The following RXRA variants were observed in gnomAD, a reference collection of about 807,000 sequenced individuals.
The protein encoded by RXRA is retinoic acid receptor RXR-alpha.
Under a neutral mutation model 44.5 loss-of-function variants are expected in RXRA, and 5 were observed. That is an observed-to-expected ratio of 0.11 (90% CI 0.06 to 0.24). The LOEUF (loss-of-function observed/expected upper bound fraction) is 0.24, where lower values mean the gene tolerates loss of function less well. RXRA is among the 10% of genes least tolerant of loss of function. The pLI, the probability that RXRA is intolerant of heterozygous loss-of-function variation, is 1.00. For missense variants in RXRA, 412 were observed against 646.5 expected, an observed-to-expected ratio of 0.64 and a Z score of 3.93; for synonymous variants, 291 against 271.4, an observed-to-expected ratio of 1.07 and a Z score of -0.71.
intron 1 of RXRA, among the ~76,000 whole-genome samples, chr9:134,353,957 A>G (rs1224438913): frequency 1.3e-5 from 2 of 152,088 alleles, no homozygotes; most frequent in Non-Finnish European, 2.9e-5. Flanking sequence ...GATGAGAGCT[A>G]AGGGTGCCTG....
chr9:134,423,272 A>G (rs1250169086), intron 6 of RXRA: 1 of 985,324 alleles, frequency 1.0e-6, no homozygotes, highest in African/African-American at 1.7e-5. Flanking sequence ...GGTGCTGGTC[A>G]CTGTCCCATG....
chr9:134,330,960 G>C (rs1834995689), intron 1 of RXRA, among the ~76,000 whole-genome samples: 1 of 152,198 alleles, frequency 6.6e-6, no homozygotes, highest in African/African-American at 2.4e-5. Context: ...TGTGCCTCCT[G>C]CCTGGGTCAG....
intron 1 of RXRA, among the ~76,000 whole-genome samples, chr9:134,363,858 T>A (rs1830382941): frequency 6.6e-6 from 1 of 152,072 alleles, no homozygotes; most frequent in Admixed American, 6.5e-5. Context: ...CGACCTCAGC[T>A]CCAGACATGT....
intron 1 of RXRA, among the ~76,000 whole-genome samples, chr9:134,361,377 C>T (rs1208540285): frequency 6.6e-6 from 1 of 152,188 alleles, no homozygotes; most frequent in African/African-American, 2.4e-5. Context: ...CTGCTGTGTG[C>T]CCGGCCCCTG....
chr9:134,358,305 CAGCA>C (rs1374945576), intron 1 of RXRA, among the ~76,000 whole-genome samples: 2 of 151,960 alleles, frequency 1.3e-5, no homozygotes, highest in East Asian at 3.9e-4. Flanking sequence ...TTTCCTCCGG[CAGCA>C]GGCAGGCAGG....
chr9:134,350,083 G>T (rs797026213), intron 1 of RXRA, among the ~76,000 whole-genome samples: 9 of 152,062 alleles, frequency 5.9e-5, no homozygotes, highest in African/African-American at 2.2e-4. Context: ...TGTAGGGGGG[G>T]GTGGAAGGTG....
chr9:134,422,371 G>C (rs1202945413), intron 6 of RXRA: 30 of 1,236,272 alleles, frequency 2.4e-5, no homozygotes, highest in Admixed American at 1.1e-4. Flanking sequence ...CCGCTACCGG[G>C]ACACTCCCCC....
chr9:134,380,426 C>T (rs1830626009), intron 1 of RXRA, among the ~76,000 whole-genome samples: 1 of 152,024 alleles, frequency 6.6e-6, no homozygotes, highest in East Asian at 1.9e-4. Flanking sequence ...CTGGGGTGGC[C>T]ATGAGAAGTG....
rs1297927244 is a variant in RXRA, at chr9:134,365,630, G to A, written c.29-36002G>A. On this transcript the variant is annotated intron_variant, in intron 1 of 9. Transcript: ENST00000481739. The surrounding 1 kb of genome is among the most constrained non-coding windows in gnomAD (Gnocchi z 4.0). ...TTCTGGGGTCCTGGGCTGTCCCTCA[G>A]CAGGCCTGGGACTGGGCGGGGACAG... 6.6e-6 allele frequency among the ~76,000 whole-genome samples: 1 copy of A among 152,054 alleles called. No homozygotes were observed. The highest frequency in any genetic ancestry group is 1.5e-5 in the Non-Finnish European group (1 of 67,980).
rs1479282835 is a variant in RXRA, at chr9:134,426,439, C to T, written c.911-2669C>T. On this transcript the variant is annotated intron_variant, in intron 6 of 9. Coordinates refer to ENST00000481739, the MANE Select transcript of RXRA (RefSeq NM_002957.6). The surrounding 1 kb of genome is among the most constrained non-coding windows in gnomAD (Gnocchi z 4.6). Reference sequence around the variant, plus strand: ...TGTGGGGCAGGAGAGGAGAAATAACCGAGTGAGGACATCGGGGTGGAGGGA... The same window carrying T: ...TGTGGGGCAGGAGAGGAGAAATAACTGAGTGAGGACATCGGGGTGGAGGGA... 5 of 985,284 alleles carry T rather than the reference C, an allele frequency of 5.1e-6. No homozygotes were observed. The highest frequency in any genetic ancestry group is 2.3e-4 in the East Asian group (2 of 8,826). 61.0% of individuals were successfully genotyped at this position (985,284 alleles called of 1,614,324 possible).
chr9:134,413,308 G>GGGTGTGTC (rs1376123951), intron 4 of RXRA, among the ~76,000 whole-genome samples: 3 of 151,736 alleles, frequency 2.0e-5, no homozygotes, highest in African/African-American at 7.3e-5. Context: ...TGTGGTGTGT[G>GGGTGTGTC]TGTGATATGT....
At chr9:134,423,365 G>A (rs913544641) in intron 6 of RXRA, 71 of 985,322 alleles carry the variant, frequency 7.2e-5, no homozygotes, top group Middle Eastern at 5.2e-4. Flanking sequence ...TGTGGGCTCC[G>A]CCGCCTCAGC....
At chr9:134,421,852 A>G (rs1236817573) in intron 6 of RXRA, 47 bp downstream of exon 6, 1 of 1,605,720 alleles carries the variant, frequency 6.2e-7, no homozygotes, top group Admixed American at 1.7e-5. Flanking sequence ...TGCAGATGGG[A>G]CACGTACCAG....
intron 1 of RXRA, among the ~76,000 whole-genome samples, chr9:134,384,079 A>T (rs772320280): frequency 3.3e-5 from 5 of 151,958 alleles, no homozygotes; most frequent in Non-Finnish European, 5.9e-5. Context: ...ACTGTCACTC[A>T]GGTGGGGAGT....
Position 134,417,346 on chromosome 9 carries a change from A to C in RXRA, c.780+19A>C, listed in dbSNP as rs35862336. 1 of 1,608,292 alleles carries C rather than the reference A, an allele frequency of 6.2e-7. No individual in the cohort carries two copies. Among genetic ancestry groups the C allele is most frequent in the African/African-American group, 1.3e-5 (1 of 74,814 alleles). On this transcript the variant is annotated intron_variant, in intron 5 of 9. Coordinates refer to ENST00000481739, the MANE Select transcript of RXRA (RefSeq NM_002957.6). This position sits in a 1 kb window ranked among gnomAD's most constrained non-coding sequence, Gnocchi z 6.1. Reference sequence around the variant, plus strand: ...CAGCTCGGTGAGTTGCAGCCTGTGCAGGGGTGGGCAGCCTCACATGCCTCA... The same window carrying C: ...CAGCTCGGTGAGTTGCAGCCTGTGCCGGGGTGGGCAGCCTCACATGCCTCA...
At chr9:134,432,955 C>T (rs1264624769) in intron 8 of RXRA, among the ~76,000 whole-genome samples, 2 of 152,064 alleles carry the variant, frequency 1.3e-5, no homozygotes, top group Non-Finnish European at 2.9e-5. Flanking sequence ...TGTTTGGAAA[C>T]TCAGCTCATT....
intron 6 of RXRA, among the ~76,000 whole-genome samples, chr9:134,427,357 G>A (rs1831452242): frequency 6.6e-6 from 1 of 152,174 alleles, no homozygotes; most frequent in Non-Finnish European, 1.5e-5. Flanking sequence ...GCTGCCTGCT[G>A]CCACCTGGCA....
intron 1 of RXRA, among the ~76,000 whole-genome samples, chr9:134,361,019 C>T (rs1830345005): frequency 6.6e-6 from 1 of 152,212 alleles, no homozygotes; most frequent in South Asian, 2.1e-4. Context: ...TGCTGCCCAC[C>T]TCGGAGCCCG....
intron 1 of RXRA, among the ~76,000 whole-genome samples, chr9:134,369,480 T>A (rs1830464595): frequency 1.9e-5 from 2 of 105,862 alleles, no homozygotes; most frequent in Non-Finnish European, 3.6e-5. Flanking sequence ...GTTTTGTGTG[T>A]GGGTTGTATG....
Sources: gnomAD v4.1 joint callset for allele counts (sites outside exome capture counted in the v4.1 genomes callset) on GRCh38, gnomAD v4.1.1 for gene constraint, Gnocchi (gnomAD v3.1) non-coding constraint, MANE v1.5 for transcripts, NCBI Gene and HGNC (gene_info 2026-07-23, HGNC 2026-07-21) for gene names.